Variants in JAK2 observed in about 807,000 individuals in gnomAD.
The protein encoded by JAK2 is Janus kinase 2.
A neutral mutation model predicts 139.3 loss-of-function variants in JAK2; 86 were observed. The observed-to-expected ratio is 0.62, with a 90% CI of 0.52 to 0.74. The LOEUF is 0.74. JAK2 is among the 30% of genes least tolerant of loss of function. The pLI is 0.00. For missense variants in JAK2, 1,421 were observed against 1,360.3 expected (o/e 1.04, Z -0.70); for synonymous variants, 490 against 437.7 (o/e 1.12, Z -1.49).
intron 22 of JAK2, chr9:5,112,069 TG>T: frequency 2.5e-6 from 1 of 398,810 alleles, no homozygotes; most frequent in South Asian, 1.9e-5. Flanking sequence ...CTCCACGGCC[TG>T]GAGAGTAAGA....
intron 8 of JAK2, 136 bp downstream of exon 8, chr9:5,055,924 C>G: frequency 1.4e-6 from 1 of 719,296 alleles, no homozygotes; most frequent in Non-Finnish European, 2.2e-6. Context: ...AACATCAGTT[C>G]AGTAAACTTT....
chr9:5,054,995 G>C lies in JAK2; in HGVS notation c.936+111G>C, dbSNP rs1817663904. ...GGTATTGCACTTCTCCCATTTGATA[G>C]AAGTGGAAGTTTTTAATAGCGTGAA... is the stretch of plus-strand genomic sequence containing the variant. On this transcript the variant is annotated intron_variant, in intron 7 of 24. Coordinates refer to ENST00000381652, the MANE Select transcript of JAK2 (RefSeq NM_004972.4). The surrounding 1 kb of genome is among the most constrained non-coding windows in gnomAD (Gnocchi z 4.9). 1 of 754,922 alleles carries C rather than the reference G, an allele frequency of 1.3e-6. No homozygotes were observed. Among genetic ancestry groups the C allele is most frequent in the Middle Eastern group, 3.1e-4 (1 of 3,218 alleles). The allele number at this position is 754,922 out of a possible 1,614,324, so 46.8% of individuals were successfully genotyped here. A position where few individuals can be genotyped will look rare whatever the true frequency, so the allele number is the denominator to read the frequency against.
intron 17 of JAK2, 43 bp from the exon 18 acceptor site, chr9:5,080,490 G>T (rs759545248): frequency 1.3e-6 from 2 of 1,546,892 alleles, no homozygotes; most frequent in South Asian, 1.2e-5. Flanking sequence ...GGTTGGTGTG[G>T]CATTACACAA....
intron 22 of JAK2, among the ~76,000 whole-genome samples, chr9:5,106,280 A>G (rs7035316): frequency 0.12 from 18,524 of 152,268 alleles, 3,527 homozygotes; most frequent in African/African-American, 0.41. Context: ...TTATGCAGCC[A>G]ACAGACATAT....
chr9:5,119,557 T>G (rs1294228507), intron 22 of JAK2, among the ~76,000 whole-genome samples: 1 of 152,152 alleles, frequency 6.6e-6, no homozygotes, highest in East Asian at 1.9e-4. Flanking sequence ...TAATTTCATA[T>G]TATGAAAATA....
At chr9:5,012,861 G>T (rs989389793) in intron 2 of JAK2, among the ~76,000 whole-genome samples, 1 of 152,114 alleles carries the variant, frequency 6.6e-6, no homozygotes, top group Non-Finnish European at 1.5e-5. Flanking sequence ...AAATATGAGG[G>T]TGGCTCCTGT....
intron 2 of JAK2, among the ~76,000 whole-genome samples, chr9:5,017,340 G>A (rs1179060117): frequency 6.6e-6 from 1 of 152,188 alleles, no homozygotes; most frequent in Non-Finnish European, 1.5e-5. Context: ...ACAATCCAAA[G>A]TCAGTGGTGG....
intron 22 of JAK2, chr9:5,111,713 C>T (rs915442389): frequency 4.6e-6 from 2 of 433,356 alleles, no homozygotes. Context: ...TGGCGGCCTG[C>T]ACCAGCACGA....
intron 11 of JAK2, 49 bp from the exon 12 acceptor site, chr9:5,069,876 A>G (rs777561876): frequency 1.7e-5 from 22 of 1,296,004 alleles, no homozygotes; most frequent in Admixed American, 6.5e-5. Context: ...GGAGCAATTC[A>G]TACTTTCAGT....
chr9:5,014,058 G>C (rs1384044687), intron 2 of JAK2, among the ~76,000 whole-genome samples: 1 of 151,748 alleles, frequency 6.6e-6, no homozygotes, highest in Non-Finnish European at 1.5e-5. Context: ...TAGTATATGA[G>C]TAAAGTTTGA....
At chr9:5,025,156 C>A (rs1323889852) in intron 3 of JAK2, among the ~76,000 whole-genome samples, 1 of 151,184 alleles carries the variant, frequency 6.6e-6, no homozygotes, top group Non-Finnish European at 1.5e-5. Flanking sequence ...TTTCCTGTTT[C>A]TGGGAGAAGG....
intron 9 of JAK2, 54 bp from the exon 10 acceptor site, chr9:5,066,624 C>G: frequency 1.0e-6 from 1 of 958,756 alleles, no homozygotes; most frequent in Non-Finnish European, 1.7e-6. Context: ...GACACTTGGT[C>G]ATAATATTAT....
At chr9:5,095,741 C>G (rs1820937714) in intron 22 of JAK2, among the ~76,000 whole-genome samples, 2 of 152,152 alleles carry the variant, frequency 1.3e-5, no homozygotes, top group Admixed American at 1.3e-4. Context: ...CTTAATCAAA[C>G]ACAATTCTGC....
intron 22 of JAK2, among the ~76,000 whole-genome samples, chr9:5,121,577 TCCCAAGA>T (rs1823617900): frequency 6.6e-6 from 1 of 152,106 alleles, no homozygotes; most frequent in Admixed American, 6.5e-5. Flanking sequence ...ATGACTGAAT[TCCCAAGA>T]GATAGTTACA....
At position 5,044,504 on chromosome 9, in the gene JAK2, C is replaced by G. The variant is rs925878120; in HGVS notation, c.452C>G (p.Ser151Cys). Reference protein sequence around the residue: ...EAPLLDDFVMSYLFAQWRHDF... With the variant: ...EAPLLDDFVMCYLFAQWRHDF... ...CCTCTTCTTGATGACTTTGTCATGT[C>G]TTACCTCTTTGCTCAGGTATGATTA... Residue 151 changes from serine to cysteine, a missense_variant, in exon 5 of 25, where the codon TCT becomes TGT. By Grantham distance (112) the Ser-to-Cys change is moderately radical. Coordinates refer to ENST00000381652, the MANE Select transcript of JAK2 (RefSeq NM_004972.4). 2 of 1,597,650 alleles carry G rather than the reference C, an allele frequency of 1.3e-6. No individual in the cohort carries two copies. The highest frequency in any genetic ancestry group is 1.7e-6 in the Non-Finnish European group (2 of 1,166,858).
chr9:5,111,139 G>A (rs1822476880), intron 22 of JAK2: 4 of 991,976 alleles, frequency 4.0e-6, no homozygotes, highest in South Asian at 2.7e-5. Context: ...GACGTTCAGC[G>A]AAGGCGCTCA....
intron 13 of JAK2, among the ~76,000 whole-genome samples, chr9:5,073,063 G>C (rs958624317): frequency 6.6e-6 from 1 of 152,150 alleles, no homozygotes; most frequent in Admixed American, 6.6e-5. Flanking sequence ...CAGACCCCGT[G>C]GCCAGTTGCC....
intron 5 of JAK2, among the ~76,000 whole-genome samples, chr9:5,049,128 T>G (rs1241192718): frequency 2.0e-5 from 3 of 152,222 alleles, no homozygotes; most frequent in Non-Finnish European, 4.4e-5. Flanking sequence ...TTCTGTTTCC[T>G]GGATCAGATC....
At chr9:5,076,845 G>A (rs1819338531) in intron 14 of JAK2, among the ~76,000 whole-genome samples, 1 of 152,092 alleles carries the variant, frequency 6.6e-6, no homozygotes, top group Non-Finnish European at 1.5e-5. Flanking sequence ...CCTGTTATAT[G>A]GAGGTATCTG....
Sources: gnomAD v4.1 joint callset for allele counts (sites outside exome capture counted in the v4.1 genomes callset) on GRCh38, gnomAD v4.1.1 for gene constraint, Gnocchi (gnomAD v3.1) non-coding constraint, MANE v1.5 for transcripts, NCBI Gene and HGNC (gene_info 2026-07-23, HGNC 2026-07-21) for gene names.